Variants in NLK observed in about 807,000 individuals in gnomAD.
NLK encodes nemo like kinase.
In NLK, 11 loss-of-function variants were observed where a neutral mutation model predicts 59.0. The ratio of observed to expected loss-of-function variants is 0.19; its 90% confidence interval spans 0.12 to 0.31. The LOEUF is 0.31. Ranked by LOEUF, NLK falls within the 10% of genes least tolerant of loss-of-function variation. The pLI, the probability that NLK is intolerant of heterozygous loss-of-function variation, is 1.00. For synonymous variants in NLK, 235 were observed against 235.9 expected (o/e 1.00, Z 0.03); for missense variants, 410 against 661.1 (o/e 0.62, Z 4.16).
intron 1 of NLK, among the ~76,000 whole-genome samples, chr17:28,097,436 A>G (rs1163336961): frequency 4.6e-5 from 7 of 152,174 alleles, no homozygotes; most frequent in Non-Finnish European, 8.8e-5. Context: ...AAACTTACAT[A>G]TATTTATTCT....
chr17:28,054,632 A>G (rs960837428), intron 1 of NLK, among the ~76,000 whole-genome samples: 2 of 152,264 alleles, frequency 1.3e-5, no homozygotes, highest in African/African-American at 4.8e-5. Flanking sequence ...TGATTTGGAA[A>G]AGAATCATAA....
At chr17:28,087,243 T>G (rs1910548169) in intron 1 of NLK, among the ~76,000 whole-genome samples, 1 of 152,198 alleles carries the variant, frequency 6.6e-6, no homozygotes, top group Non-Finnish European at 1.5e-5. Context: ...AAATATTATC[T>G]GATTTAATTT....
chr17:28,086,834 C>T (rs1482494238), intron 1 of NLK, among the ~76,000 whole-genome samples: 1 of 151,086 alleles, frequency 6.6e-6, no homozygotes. Context: ...CGAGACCAGC[C>T]TGGGCAACAA....
At chr17:28,169,721 C>CT (rs1193124964) in intron 6 of NLK, among the ~76,000 whole-genome samples, 13,900 of 111,526 alleles carry the variant, frequency 0.12, 879 homozygotes, top group Non-Finnish European at 0.15. Flanking sequence ...GCTTCTTCTT[C>CT]TTTTTTTTTT....
intron 2 of NLK, among the ~76,000 whole-genome samples, chr17:28,123,009 A>G (rs1222630451): frequency 6.6e-6 from 1 of 151,840 alleles, no homozygotes; most frequent in Non-Finnish European, 1.5e-5. Flanking sequence ...TTTTATATAT[A>G]CTCTTTATGT....
intron 1 of NLK, among the ~76,000 whole-genome samples, chr17:28,111,896 G>GTGTGTGTGTTGT: frequency 1.5e-5 from 1 of 67,544 alleles, no homozygotes; most frequent in South Asian, 6.1e-4. Flanking sequence ...GTGTGTGTGT[G>GTGTGTGTGTTGT]GTGTGTGTGT....
At chr17:28,108,838 C>G (rs554889387) in intron 1 of NLK, among the ~76,000 whole-genome samples, 1 of 152,146 alleles carries the variant, frequency 6.6e-6, no homozygotes, top group Non-Finnish European at 1.5e-5. Context: ...CTGAGAATCT[C>G]TATTCCCCAT....
chr17:28,159,268 AAATGGAAAGCTTTTG>A (rs1245090960), intron 3 of NLK, among the ~76,000 whole-genome samples: 4 of 152,224 alleles, frequency 2.6e-5, no homozygotes, highest in African/African-American at 4.8e-5. Context: ...CTCTTAAATG[AAATGGAAAGCTTTTG>A]CAGAAAAGTG....
intron 1 of NLK, among the ~76,000 whole-genome samples, chr17:28,080,741 G>A (rs1910315902): frequency 6.6e-6 from 1 of 152,160 alleles, no homozygotes; most frequent in African/African-American, 2.4e-5. Flanking sequence ...CAAATATTTT[G>A]AAAATTTGTT....
chr17:28,081,798 T>C (rs941035181), intron 1 of NLK, among the ~76,000 whole-genome samples: 2 of 152,216 alleles, frequency 1.3e-5, no homozygotes, highest in Non-Finnish European at 2.9e-5. Context: ...TGCAGGAGCA[T>C]GTGTTAGGAA....
intron 1 of NLK, among the ~76,000 whole-genome samples, chr17:28,090,298 C>T (rs1376118936): frequency 6.6e-6 from 1 of 152,120 alleles, no homozygotes; most frequent in Admixed American, 6.5e-5. Flanking sequence ...GTTTTAAGCC[C>T]CACACTACAT....
intron 1 of NLK, among the ~76,000 whole-genome samples, chr17:28,086,871 AT>A (rs977335300): frequency 7.3e-5 from 11 of 150,500 alleles, no homozygotes; most frequent in South Asian, 4.2e-4. Flanking sequence ...TTAAAAAAAA[AT>A]ATATACATAT....
At chr17:28,145,739 T>TCTGTCA (rs200069959) in intron 3 of NLK, among the ~76,000 whole-genome samples, 4,103 of 152,064 alleles carry the variant, frequency 0.027, 70 homozygotes, top group Non-Finnish European at 0.039. Flanking sequence ...ACAGTCTCAC[T>TCTGTCA]CTGTCACCCA....
At chr17:28,096,142 A>G (rs1904692637) in intron 1 of NLK, among the ~76,000 whole-genome samples, 1 of 152,212 alleles carries the variant, frequency 6.6e-6, no homozygotes, top group African/African-American at 2.4e-5. Context: ...ACTTATTTTG[A>G]AAACGTTGAA....
chr17:28,107,821 GAC>G (rs1905257599), intron 1 of NLK, among the ~76,000 whole-genome samples: 1 of 152,098 alleles, frequency 6.6e-6, no homozygotes, highest in Non-Finnish European at 1.5e-5. Context: ...GATACAAAGA[GAC>G]ATATATCAGT....
intron 3 of NLK, among the ~76,000 whole-genome samples, chr17:28,152,521 C>G (rs1245839779): frequency 6.6e-6 from 1 of 152,194 alleles, no homozygotes; most frequent in African/African-American, 2.4e-5. Flanking sequence ...AGAATATAAC[C>G]TGTTCTTCGC....
Position 28,081,234 on chromosome 17 carries a change from T to C in NLK, c.458+37903T>C, listed in dbSNP as rs146661079. ...TTGTTTTTGAGACAGGGTCTCACTT[T>C]GTTGCTTAGGCTGGAGTGCAGCGGC... On this transcript the variant is annotated intron_variant, in intron 1 of 10. Transcript: ENST00000407008. Among the ~76,000 whole-genome samples the C allele has an allele frequency of 3.3e-4, 50 of 152,162 alleles. No homozygotes were observed. In the East Asian group the frequency reaches 9.3e-3, roughly 28 times the overall value.
intron 3 of NLK, among the ~76,000 whole-genome samples, chr17:28,142,022 T>C (rs1283792310): frequency 3.3e-5 from 5 of 152,206 alleles, no homozygotes; most frequent in Admixed American, 2.0e-4. Context: ...ACACAGAGCT[T>C]GCCTTGCCTT....
intron 1 of NLK, among the ~76,000 whole-genome samples, chr17:28,045,135 A>T (rs1909007908): frequency 6.6e-6 from 1 of 152,178 alleles, no homozygotes. Flanking sequence ...AAGCCATTCT[A>T]GAGGTTTTTA....
Sources: allele counts gnomAD v4.1 joint callset (sites outside exome capture counted in the v4.1 genomes callset), GRCh38; gene constraint gnomAD v4.1.1; transcripts MANE v1.5; gene names NCBI Gene and HGNC (gene_info 2026-07-23, HGNC 2026-07-21).